IGSF11: variants seen among roughly 807,000 people sequenced by gnomAD.
IGSF11 encodes immunoglobulin superfamily member 11, also known as CXADR like 1.
IGSF11 carries 22 observed loss-of-function variants against 41.0 expected under a neutral mutation model. The observed-to-expected ratio is 0.54, with a 90% CI of 0.38 to 0.77. The LOEUF (loss-of-function observed/expected upper bound fraction) is 0.77. IGSF11 is among the 30% of genes least tolerant of loss of function. IGSF11 has a pLI of 0.00. For missense variants in IGSF11, 444 were observed against 530.8 expected (o/e 0.84, Z 1.61); for synonymous variants, 219 against 201.3 (o/e 1.09, Z -0.74).
At chr3:118,957,963 G>A (rs556285706) in intron 1 of IGSF11, among the ~76,000 whole-genome samples, 1 of 152,288 alleles carries the variant, frequency 6.6e-6, no homozygotes, top group South Asian at 2.1e-4. Context: ...ATTTGACTAG[G>A]AAGACATTAG....
intron 1 of IGSF11, among the ~76,000 whole-genome samples, chr3:119,055,026 C>G (rs532862684): frequency 1.3e-5 from 2 of 152,156 alleles, no homozygotes; most frequent in Non-Finnish European, 2.9e-5. Flanking sequence ...TCACCAATAT[C>G]CGTTGTTCTG....
chr3:118,913,406 AAAC>A lies in IGSF11; in HGVS notation c.581-7691_581-7689del, dbSNP rs536619793. Among the ~76,000 whole-genome samples, 432 of 152,240 alleles carry A rather than the reference AAAC, an allele frequency of 2.8e-3. 2 individuals carry two copies. Among genetic ancestry groups the A allele is most frequent in the African/African-American group, 9.3e-3 (386 of 41,576 alleles). On this transcript the variant is annotated intron_variant, in intron 4 of 6. Coordinates refer to ENST00000393775, the MANE Select transcript of IGSF11 (RefSeq NM_001015887.3). ...TAGGATCTACAGAACACCAAGTACA[AAAC>A]AACTGCAAAAAGCAAAGGAAGGAAA...
At chr3:119,055,093 T>C (rs953151811) in intron 1 of IGSF11, among the ~76,000 whole-genome samples, 1 of 151,868 alleles carries the variant, frequency 6.6e-6, no homozygotes, top group African/African-American at 2.4e-5. Context: ...TCCAGCAAAA[T>C]CCAACAGACC....
At chr3:119,047,963 T>C (rs577491210) in intron 1 of IGSF11, among the ~76,000 whole-genome samples, 7 of 151,838 alleles carry the variant, frequency 4.6e-5, no homozygotes, top group South Asian at 2.1e-4. Context: ...AACAAAGACA[T>C]GACATACCAG....
At chr3:118,935,706 T>C (rs1943220251) in intron 1 of IGSF11, among the ~76,000 whole-genome samples, 1 of 151,950 alleles carries the variant, frequency 6.6e-6, no homozygotes. Context: ...AGGGTCTTCT[T>C]AGGCCTAACA....
chr3:119,062,789 T>C (rs1378741408), intron 1 of IGSF11, among the ~76,000 whole-genome samples: 1 of 152,128 alleles, frequency 6.6e-6, no homozygotes, highest in East Asian at 1.9e-4. Flanking sequence ...ATCAGCTTGA[T>C]GCAAGAATGA....
chr3:119,100,125 T>C (rs189842440), intron 1 of IGSF11, among the ~76,000 whole-genome samples: 1 of 152,332 alleles, frequency 6.6e-6, no homozygotes, highest in Admixed American at 6.5e-5. Context: ...TAGACTGCAA[T>C]TGTGGGTAAC....
intron 1 of IGSF11, among the ~76,000 whole-genome samples, chr3:119,017,643 C>T (rs1938854142): frequency 6.6e-6 from 1 of 152,042 alleles, no homozygotes; most frequent in Non-Finnish European, 1.5e-5. Context: ...GAAAACAATG[C>T]CAGGTTGTGG....
At chr3:118,903,243 C>T (rs1023596256) in intron 6 of IGSF11, among the ~76,000 whole-genome samples, 1 of 152,016 alleles carries the variant, frequency 6.6e-6, no homozygotes, top group African/African-American at 2.4e-5. Context: ...TCCAATACAA[C>T]TTTTAAACAT....
chr3:119,001,467 CT>C (rs113963134), intron 1 of IGSF11, among the ~76,000 whole-genome samples: 46,264 of 130,390 alleles, frequency 0.35, 8,203 homozygotes, highest in African/African-American at 0.56. Context: ...CCCAGGTTTT[CT>C]TTTTTTTTTT....
At chr3:119,125,289 TAA>T (rs2077388815) in intron 1 of IGSF11, among the ~76,000 whole-genome samples, 1 of 152,200 alleles carries the variant, frequency 6.6e-6, no homozygotes, top group Non-Finnish European at 1.5e-5. Context: ...CGCGTTCGTA[TAA>T]GAGACGAACT....
At chr3:118,925,615 G>GT (rs1942221337) in intron 4 of IGSF11, among the ~76,000 whole-genome samples, 1 of 151,932 alleles carries the variant, frequency 6.6e-6, no homozygotes, top group Non-Finnish European at 1.5e-5. Flanking sequence ...TACCTGTTTG[G>GT]TGTGACCAAT....
rs144692442 is a variant in IGSF11 at position 119,101,299 on chromosome 3, C to T, written c.49+3845G>A. ...CCAAGGTGGGCAGATTACCTGAGGT[C>T]GGGAGTTCAAGGCCAGCCTGACCAA... is the stretch of plus-strand genomic sequence containing the variant. On this transcript the variant is annotated intron_variant, in intron 1 of 6. Coordinates refer to the IGSF11 transcript ENST00000354673. Among the ~76,000 whole-genome samples the T allele has an allele frequency of 1.9e-3, 288 of 152,220 alleles. 2 individuals are homozygous for T. Among genetic ancestry groups the T allele is most frequent in the African/African-American group, 6.3e-3 (262 of 41,546 alleles).
At chr3:119,025,959 T>C (rs1384928643) in intron 1 of IGSF11, among the ~76,000 whole-genome samples, 1 of 152,108 alleles carries the variant, frequency 6.6e-6, no homozygotes, top group African/African-American at 2.4e-5. Flanking sequence ...GGTAGATCCA[T>C]GTAACAGATG....
intron 1 of IGSF11, among the ~76,000 whole-genome samples, chr3:119,001,713 T>C (rs1936891429): frequency 6.7e-6 from 1 of 149,386 alleles, no homozygotes; most frequent in South Asian, 2.1e-4. Flanking sequence ...TGAGTGAGAA[T>C]ATGCAGTGTT....
chr3:119,048,926 G>A (rs984625986), intron 1 of IGSF11, among the ~76,000 whole-genome samples: 8 of 152,118 alleles, frequency 5.3e-5, no homozygotes, highest in African/African-American at 9.7e-5. Context: ...ATGCAGAAAA[G>A]GCCTTTGACA....
chr3:119,073,820 G>A (rs550183606), intron 1 of IGSF11, among the ~76,000 whole-genome samples: 60 of 152,266 alleles, frequency 3.9e-4, no homozygotes, highest in South Asian at 8.3e-4. Flanking sequence ...GCTGGCTCCC[G>A]CCTCAGCCAG....
At chr3:118,924,911 A>T (rs1439784812) in intron 4 of IGSF11, among the ~76,000 whole-genome samples, 5 of 152,188 alleles carry the variant, frequency 3.3e-5, no homozygotes, top group Non-Finnish European at 7.4e-5. Flanking sequence ...TAAAATTTGA[A>T]TATAGTTTTC....
intron 1 of IGSF11, among the ~76,000 whole-genome samples, chr3:119,050,073 C>A (rs1168148469): frequency 6.7e-6 from 1 of 148,822 alleles, no homozygotes; most frequent in Non-Finnish European, 1.5e-5. Context: ...CATTACCATT[C>A]AGGACATAGG....
Sources: gnomAD v4.1 joint callset for allele counts (sites outside exome capture counted in the v4.1 genomes callset) on GRCh38, gnomAD v4.1.1 for gene constraint, MANE v1.5 for transcripts, NCBI Gene and HGNC (gene_info 2026-07-23, HGNC 2026-07-21) for gene names.